The following ZNF821 variants were observed in gnomAD, a reference collection of about 807,000 sequenced individuals.
ZNF821 encodes the protein zinc finger protein 821.
Under a neutral mutation model 44.3 loss-of-function variants are expected in ZNF821, and 16 were observed. That is an observed-to-expected ratio of 0.36 (90% CI 0.24 to 0.55). The LOEUF (loss-of-function observed/expected upper bound fraction) is 0.55, where lower values mean the gene tolerates loss of function less well. Among genes scored for constraint, ZNF821 ranks in the 20% least tolerant of loss-of-function variants. The pLI is 0.86. For synonymous variants in ZNF821, 204 were observed against 197.6 expected, an observed-to-expected ratio of 1.03 and a Z score of -0.27; for missense variants, 436 against 547.6, an observed-to-expected ratio of 0.80 and a Z score of 2.03.
At chr16:71,861,674 G>T in intron 7 of ZNF821, 102 bp downstream of exon 7, 1 of 1,410,026 alleles carries the variant, frequency 7.1e-7, no homozygotes, top group Non-Finnish European at 9.8e-7. Context: ...TGCATCAGCT[G>T]CCTTTGCATT....
chr16:71,883,088 C>T lies in ZNF821; in HGVS notation c.-78+123G>A, dbSNP rs545019798. ...AGTCCTCGGGAAGGTGCAACGTCTC[C>T]CCTGAACACTGTCTCTGCTCTCCCA... On this transcript the variant is annotated intron_variant, in intron 2 of 7. Coordinates refer to ENST00000425432, the MANE Select transcript of ZNF821 (RefSeq NM_001201552.2). The T allele has an allele frequency of 5.0e-3, 2,264 of 456,272 alleles. 26 individuals are homozygous for T. The highest frequency in any genetic ancestry group is 0.018 in the South Asian group (1,140 of 64,546). 28.3% of individuals were successfully genotyped at this position (456,272 alleles called of 1,614,324 possible).
intron 1 of ZNF821, among the ~76,000 whole-genome samples, chr16:71,893,753 C>G (rs1443855955): frequency 6.6e-6 from 1 of 151,294 alleles, no homozygotes; most frequent in African/African-American, 2.4e-5. Context: ...GCCACCATGC[C>G]CAGCCAAAAA....
At chr16:71,881,171 T>G (rs1190963464) in intron 2 of ZNF821, 2 of 152,220 alleles carry the variant, frequency 1.3e-5, no homozygotes, top group Admixed American at 1.3e-4. Flanking sequence ...AATCATAGTT[T>G]ATTGCCTTAA....
intron 3 of ZNF821, among the ~76,000 whole-genome samples, chr16:71,878,010 G>A (rs2036018632): frequency 6.8e-6 from 1 of 147,150 alleles, no homozygotes; most frequent in African/African-American, 2.5e-5. Context: ...ACATATATAG[G>A]TTTTTTGTTT....
At chr16:71,869,811 A>AT (rs2034986446) in intron 3 of ZNF821, among the ~76,000 whole-genome samples, 1 of 151,784 alleles carries the variant, frequency 6.6e-6, no homozygotes, top group Non-Finnish European at 1.5e-5. Flanking sequence ...CAATATTTTT[A>AT]TTTTTTGTAT....
intron 1 of ZNF821, among the ~76,000 whole-genome samples, chr16:71,892,950 C>T (rs868311130): frequency 6.8e-5 from 10 of 148,104 alleles, no homozygotes; most frequent in South Asian, 2.2e-4. Context: ...TGGTCGGTTT[C>T]GAACTCCTAA....
At chr16:71,863,127 C>T (rs1186355874) in intron 6 of ZNF821, among the ~76,000 whole-genome samples, 2 of 151,984 alleles carry the variant, frequency 1.3e-5, no homozygotes, top group African/African-American at 2.4e-5. Context: ...AACTCCTGAC[C>T]TCAAGTGATC....
rs2036724597 is a variant in ZNF821, at chr16:71,884,133, A to AG, written c.-367dup. 1 of 151,962 alleles carries AG rather than the reference A, an allele frequency of 6.6e-6. No homozygotes were observed. Among genetic ancestry groups the AG allele is most frequent in the Non-Finnish European group, 1.5e-5 (1 of 68,042 alleles). 9.4% of individuals were successfully genotyped at this position (151,962 alleles called of 1,614,324 possible). A position where few individuals can be genotyped will look rare whatever the true frequency, so the allele number is the denominator to read the frequency against. On this transcript the variant is annotated 5_prime_UTR_variant, in exon 1 of 8. Transcript: ENST00000425432. ...AAGCCAACAGCAGACAGACAGACGGAGGGGGAAAAAGATGGCGACGCGGGC... is the reference window on the plus strand; with the variant it reads ...AAGCCAACAGCAGACAGACAGACGGAGGGGGGAAAAAGATGGCGACGCGGGC...
intron 3 of ZNF821, among the ~76,000 whole-genome samples, chr16:71,874,083 C>G (rs181419413): frequency 2.6e-5 from 4 of 151,870 alleles, no homozygotes; most frequent in Admixed American, 2.6e-4. Context: ...CTTAGCCTCC[C>G]GAGTAGCTGG....
intron 1 of ZNF821, chr16:71,894,000 G>T (rs1382656992): frequency 1.3e-5 from 2 of 151,522 alleles, no homozygotes; most frequent in Non-Finnish European, 2.9e-5. Context: ...GGCTGGTCTT[G>T]AACTCCTGAC....
chr16:71,879,586 A>G (rs2142464187), intron 3 of ZNF821, among the ~76,000 whole-genome samples: 1 of 152,258 alleles, frequency 6.6e-6, no homozygotes, highest in Middle Eastern at 3.4e-3. Flanking sequence ...GAGCCCTGAC[A>G]TCTAGCACAA....
Position 71,880,982 on chromosome 16 carries a change from T to C in ZNF821, c.-77-959A>G, listed in dbSNP as rs1253480432. On this transcript the variant is annotated intron_variant, in intron 2 of 7. Coordinates refer to ENST00000425432, the MANE Select transcript of ZNF821 (RefSeq NM_001201552.2). Reference sequence around the variant, plus strand: ...CCCAGCCTTAAGCATTGTTAGAGAATCTGAGATGGATTAGTATTGATAGCT... The same window carrying C: ...CCCAGCCTTAAGCATTGTTAGAGAACCTGAGATGGATTAGTATTGATAGCT... Among the ~76,000 whole-genome samples, 3 of 152,094 alleles carry C rather than the reference T, an allele frequency of 2.0e-5. No individual in the cohort carries two copies. The East Asian group carries it at 5.8e-4, about 29-fold the overall frequency.
chr16:71,883,274 C>T lies in ZNF821; in HGVS notation c.-140-1G>A. ...TCGACTGAATCCAAGTGATCTGTATCTGCCAAAAAGGAGAGGACAAGAAAG... is the reference window on the plus strand; with the variant it reads ...TCGACTGAATCCAAGTGATCTGTATTTGCCAAAAAGGAGAGGACAAGAAAG... On this transcript the variant is annotated splice_acceptor_variant, in intron 1 of 7. Transcript: ENST00000425432. LOFTEE classifies it low-confidence loss of function (5UTR_SPLICE). 2.2e-6 allele frequency: 1 copy of T among 450,568 alleles called. No individual in the cohort carries two copies. The allele number at this position is 450,568 out of a possible 1,614,324, so 27.9% of individuals were successfully genotyped here.
At chr16:71,870,529 G>C (rs1323125306) in intron 3 of ZNF821, among the ~76,000 whole-genome samples, 2 of 149,006 alleles carry the variant, frequency 1.3e-5, no homozygotes, top group South Asian at 2.1e-4. Context: ...TCTCAGGCTG[G>C]AGTGCAGTGG....
At chr16:71,892,161 A>G (rs972273900) in intron 1 of ZNF821, among the ~76,000 whole-genome samples, 3 of 128,134 alleles carry the variant, frequency 2.3e-5, no homozygotes, top group Non-Finnish European at 4.9e-5. Context: ...CTGGGCAACA[A>G]GAGAGAAACT....
rs1314365614 is a variant in ZNF821, at chr16:71,860,022, T to C, written c.1235A>G (p.His412Arg). 1.9e-6 allele frequency: 3 copies of C among 1,598,582 alleles called. No homozygotes were observed. The highest frequency in any genetic ancestry group is 2.6e-6 in the Non-Finnish European group (3 of 1,173,304). Residue 412 changes from histidine to arginine, a missense_variant, in exon 8 of 8, where the codon CAC (histidine) becomes CGC (arginine). His to Arg is a conservative substitution (Grantham distance 29). Coordinates refer to ENST00000425432, the MANE Select transcript of ZNF821 (RefSeq NM_001201552.2). The surrounding 1 kb of genome is among the most constrained non-coding windows in gnomAD (Gnocchi z 7.3). ...AFEEQNSSSL[H>R] ...GGGCAGGCAGGAGGGTGTGGTTCAGTGCAGAGAGCTGCTGTTCTGCTCTTC... is the reference window on the plus strand; with the variant it reads ...GGGCAGGCAGGAGGGTGTGGTTCAGCGCAGAGAGCTGCTGTTCTGCTCTTC...
chr16:71,894,748 C>A (rs980648092), intron 1 of ZNF821: 5 of 816,590 alleles, frequency 6.1e-6, no homozygotes, highest in Non-Finnish European at 7.8e-6. Context: ...GGTGTCCAGG[C>A]TGGTCTGCAA....
intron 4 of ZNF821, among the ~76,000 whole-genome samples, chr16:71,865,609 A>G (rs967826772): frequency 6.6e-6 from 1 of 152,200 alleles, no homozygotes; most frequent in East Asian, 1.9e-4. Context: ...ATGTCACTTT[A>G]TAGGGAAAGG....
Position 71,867,989 on chromosome 16 carries a change from A to C in ZNF821, c.89T>G (p.Met30Arg). ...AAGGTCTCCAGGAAAATCAGTTTTC[A>C]TCATCGCCTGGCGGGCTTGCTCTTC... ...GLEEQARQAM[M>R]KTDFPGDLGS... The change falls in exon 4 of 8, where the codon ATG becomes AGG. Residue 30 changes from methionine to arginine, a missense_variant. Physicochemically the swap from Met to Arg is moderately conservative, Grantham distance 91. Coordinates refer to ENST00000425432, the MANE Select transcript of ZNF821 (RefSeq NM_001201552.2). 6.5e-7 allele frequency: 1 copy of C among 1,536,024 alleles called. No homozygotes were observed. Among genetic ancestry groups the C allele is most frequent in the Non-Finnish European group, 8.7e-7 (1 of 1,146,836 alleles).
Sources: gnomAD v4.1 joint callset for allele counts (sites outside exome capture counted in the v4.1 genomes callset) on GRCh38, gnomAD v4.1.1 for gene constraint, Gnocchi (gnomAD v3.1) non-coding constraint, MANE v1.5 for transcripts, NCBI Gene and HGNC (gene_info 2026-07-23, HGNC 2026-07-21) for gene names.